Variants in LARP7 observed in about 807,000 individuals in gnomAD.
LARP7 encodes the protein la-related protein 7.
Under a neutral mutation model 69.3 loss-of-function variants are expected in LARP7, and 52 were observed. The observed-to-expected ratio is 0.75, with a 90% confidence interval of 0.60 to 0.95. The LOEUF (loss-of-function observed/expected upper bound fraction) is 0.95, where lower values mean the gene tolerates loss of function less well. LARP7 is among the 40% of genes least tolerant of loss of function. LARP7 has a pLI of 0.00. For synonymous variants in LARP7, 254 were observed against 215.9 expected, an observed-to-expected ratio of 1.18 and a Z score of -1.55; for missense variants, 733 against 673.0, an observed-to-expected ratio of 1.09 and a Z score of -0.99.
At chr4:112,637,269 C>G (rs1009045259) in intron 1 of LARP7, 30 bp downstream of exon 1, 5 of 152,296 alleles carry the variant, frequency 3.3e-5, no homozygotes, top group Non-Finnish European at 7.3e-5. Flanking sequence ...TAGGGTCGCA[C>G]AGCTTGGGCG....
chr4:112,643,763 A>G (rs2048050725), intron 1 of LARP7, among the ~76,000 whole-genome samples: 1 of 151,842 alleles, frequency 6.6e-6, no homozygotes, highest in Admixed American at 6.6e-5. Context: ...AGGCAGGGAG[A>G]ATCGCTTGAA....
Position 112,646,426 on chromosome 4 carries a change from C to A in LARP7, c.278C>A (p.Ala93Glu). ...LTTDGKLIAR[A>E]LRSSAVVELD... ...ACTGATGGGAAGTTAATTGCCAGAG[C>A]ATTGAGAAGTTCAGCTGTTGTAGAG... Residue 93 changes from alanine to glutamate, a missense_variant, in exon 3 of 13, where the codon GCA becomes GAA. Transcript: ENST00000344442. 6.2e-7 allele frequency: 1 copy of A among 1,602,594 alleles called. No homozygotes were observed.
rs376277009 is a variant in LARP7 at position 112,646,969 on chromosome 4, C to T, written c.552+14C>T. On this transcript the variant is annotated intron_variant, in intron 5 of 12. Coordinates refer to ENST00000344442, the MANE Select transcript of LARP7 (RefSeq NM_016648.4). ...AAAGCAATTGAGGTAAGTCCAGATC[C>T]TAAAAAAAAAAAAAGAAAGAAAAGA... The T allele has an allele frequency of 1.9e-6, 3 of 1,564,968 alleles. No homozygotes were observed. The African/African-American group carries it at 4.5e-5, about 24-fold the overall frequency.
At chr4:112,641,990 T>G (rs80146296) in intron 1 of LARP7, among the ~76,000 whole-genome samples, 2 of 152,222 alleles carry the variant, frequency 1.3e-5, no homozygotes, top group South Asian at 4.1e-4. Context: ...TTAGGCATCA[T>G]GTAAAGGTGT....
At chr4:112,654,200 T>G (rs1001083924) in intron 12 of LARP7, 41 bp downstream of exon 12, 1 of 1,408,618 alleles carries the variant, frequency 7.1e-7, no homozygotes, top group Non-Finnish European at 1.0e-6. Context: ...AAACTTTCCT[T>G]GAACGTTTAA....
intron 1 of LARP7, among the ~76,000 whole-genome samples, chr4:112,643,004 C>T (rs1415481342): frequency 6.6e-6 from 1 of 152,214 alleles, no homozygotes; most frequent in African/African-American, 2.4e-5. Flanking sequence ...TGATATTAAT[C>T]CTTTGCTCCT....
intron 2 of LARP7, chr4:112,645,739 C>G (rs2048176381): frequency 2.6e-6 from 1 of 386,018 alleles, no homozygotes; most frequent in African/African-American, 2.1e-5. Context: ...CCAGGCTGGT[C>G]TTGAGCTCCT....
intron 9 of LARP7, 96 bp downstream of exon 9, chr4:112,649,782 A>G: frequency 2.6e-6 from 2 of 768,468 alleles, no homozygotes; most frequent in Non-Finnish European, 3.8e-6. Flanking sequence ...ATTTTAAAAA[A>G]CTTGATTATT....
intron 12 of LARP7, among the ~76,000 whole-genome samples, chr4:112,655,003 C>CAAA (rs916695747): frequency 8.5e-6 from 1 of 117,338 alleles, no homozygotes; most frequent in Non-Finnish European, 1.9e-5. Flanking sequence ...CATATTTATA[C>CAAA]AAAAAAAAAA....
At chr4:112,644,297 G>T (rs1172576329) in intron 1 of LARP7, 6 of 286,792 alleles carry the variant, frequency 2.1e-5, no homozygotes, top group Non-Finnish European at 3.1e-5. Context: ...GGGCGGGGGG[G>T]TGTTGCGATG....
At chr4:112,639,170 A>G (rs1339629030) in intron 1 of LARP7, among the ~76,000 whole-genome samples, 1 of 151,768 alleles carries the variant, frequency 6.6e-6, no homozygotes, top group East Asian at 1.9e-4. Flanking sequence ...TTGTTACCCA[A>G]TAACTTTTAT....
At chr4:112,655,023 C>T (rs1262507796) in intron 12 of LARP7, among the ~76,000 whole-genome samples, 2 of 148,816 alleles carry the variant, frequency 1.3e-5, no homozygotes, top group African/African-American at 5.0e-5. Context: ...AAAAAACTAA[C>T]TTAAAAAGCA....
In LARP7 at chr4:112,647,203, GAAGAAAAAGAAA is replaced by G. The variant is rs745386224; in HGVS notation, c.657_668del (p.Lys222_Lys225del). On this transcript the variant is annotated inframe_deletion, in exon 7 of 13. Transcript: ENST00000344442. ...ATAATGATGGCACTTTTACAGAAGAGAAGAAAAAGAAAAAGAAGAAGAAAGGCCGAATGAAAA... is the reference window on the plus strand; with the variant it reads ...ATAATGATGGCACTTTTACAGAAGAGAAGAAGAAGAAAGGCCGAATGAAAA... 2 of 1,587,492 alleles carry G rather than the reference GAAGAAAAAGAAA, an allele frequency of 1.3e-6. No homozygotes were observed. Among genetic ancestry groups the G allele is most frequent in the Non-Finnish European group, 8.5e-7 (1 of 1,172,576 alleles).
In LARP7 at chr4:112,646,514, AATG is replaced by A. The variant is rs1578581946; in HGVS notation, c.303+66_303+68del. 1.3e-5 allele frequency: 16 copies of A among 1,264,468 alleles called. No individual in the cohort carries two copies. The East Asian group carries it at 2.6e-4, about 21-fold the overall frequency. The allele number at this position is 1,264,468 out of a possible 1,614,324, so 78.3% of individuals were successfully genotyped here. A position where few individuals can be genotyped will look rare whatever the true frequency, so the allele number is the denominator to read the frequency against. ...TTATAATTATAAAGAATGTTAACGTAATGATTATTATATGATTATAGCTTACAA... is the reference window on the plus strand; with the variant it reads ...TTATAATTATAAAGAATGTTAACGTAATTATTATATGATTATAGCTTACAA... On this transcript the variant is annotated intron_variant, in intron 3 of 12. Transcript: ENST00000344442.
At chr4:112,638,461 C>T (rs1030386282) in intron 1 of LARP7, among the ~76,000 whole-genome samples, 6 of 152,322 alleles carry the variant, frequency 3.9e-5, no homozygotes, top group East Asian at 1.9e-4. Context: ...GCTACAGCAA[C>T]ATGGAAATTA....
Position 112,647,403 on chromosome 4 carries a change from C to G in LARP7, c.851C>G (p.Ala284Gly). The change falls in exon 7 of 13, where the codon GCA becomes GGA. Residue 284 changes from alanine to glycine, a missense_variant. By Grantham distance (60) the Ala-to-Gly change is moderately conservative (BLOSUM62 0). Coordinates refer to ENST00000344442, the MANE Select transcript of LARP7 (RefSeq NM_016648.4). Reference protein sequence around the residue: ...KKKKKRDRVEASSLPEVRTGK... With the variant: ...KKKKKRDRVEGSSLPEVRTGK... Reference sequence around the variant, plus strand: ...AAGAAAAAACGGGACAGAGTTGAAGCATCTAGCTTACCTGAAGTCAGAACA... The same window carrying G: ...AAGAAAAAACGGGACAGAGTTGAAGGATCTAGCTTACCTGAAGTCAGAACA... 6.2e-7 allele frequency: 1 copy of G among 1,614,024 alleles called. No individual in the cohort carries two copies. Among genetic ancestry groups the G allele is most frequent in the Non-Finnish European group, 8.5e-7 (1 of 1,179,998 alleles).
intron 8 of LARP7, chr4:112,648,596 A>G: frequency 2.1e-6 from 1 of 473,092 alleles, no homozygotes; most frequent in Non-Finnish European, 4.5e-6. Context: ...CAGAGTATTT[A>G]GAGCTGAGGA....
Position 112,647,050 on chromosome 4 carries a change from CAGA to C in LARP7, c.575_577del (p.Glu192del). On this transcript the variant is annotated inframe_deletion, in exon 6 of 13. Transcript: ENST00000344442. ...TCATTTCAGTTTCTTAACAACCCAC[CAGA>C]AGAAGCACCAAGAAAACCTGGCATA... The C allele has an allele frequency of 1.2e-6, 2 of 1,609,724 alleles. No individual in the cohort carries two copies. Among genetic ancestry groups the C allele is most frequent in the Non-Finnish European group, 1.7e-6 (2 of 1,179,018 alleles).
intron 8 of LARP7, chr4:112,648,611 G>A (rs1238674449): frequency 2.2e-6 from 1 of 451,542 alleles, no homozygotes; most frequent in Non-Finnish European, 4.7e-6. Context: ...TGAGGAGAAA[G>A]AAAACAAAAT....
Sources: gnomAD v4.1 joint callset for allele counts (sites outside exome capture counted in the v4.1 genomes callset) on GRCh38, gnomAD v4.1.1 for gene constraint, MANE v1.5 for transcripts, NCBI Gene and HGNC (gene_info 2026-07-23, HGNC 2026-07-21) for gene names.